Variants in TMEM135 observed in about 807,000 individuals in gnomAD.
The protein encoded by TMEM135 is transmembrane protein 135.
A neutral mutation model predicts 60.3 loss-of-function variants in TMEM135; 30 were observed. That is an observed-to-expected ratio of 0.50 (90% CI 0.37 to 0.68). The LOEUF is 0.68. TMEM135 is among the 30% of genes least tolerant of loss of function. TMEM135 has a pLI of 0.00. For missense variants in TMEM135, 468 were observed against 548.8 expected (o/e 0.85, Z 1.47); for synonymous variants, 190 against 186.7 (o/e 1.02, Z -0.14).
intron 5 of TMEM135, among the ~76,000 whole-genome samples, chr11:87,235,546 T>C (rs1940977582): frequency 6.6e-6 from 1 of 151,920 alleles, no homozygotes; most frequent in African/African-American, 2.4e-5. Context: ...CTAGAAATTA[T>C]TTGTGTTAGA....
intron 3 of TMEM135, among the ~76,000 whole-genome samples, chr11:87,091,143 TA>T (rs1406742460): frequency 2.0e-5 from 3 of 152,048 alleles, no homozygotes; most frequent in African/African-American, 7.2e-5. Context: ...TAAGAATATT[TA>T]ATGACCACAA....
rs953633635 is a variant in TMEM135, at chr11:87,326,718, T to C, written c.*5385T>C. ...AAAAACAGGAGTCCTTATTTTTCTATTTATTTCAGGGAAAATTGAAGGTAA... is the reference window on the plus strand; with the variant it reads ...AAAAACAGGAGTCCTTATTTTTCTACTTATTTCAGGGAAAATTGAAGGTAA... On this transcript the variant is annotated 3_prime_UTR_variant, in exon 15 of 15. Coordinates refer to ENST00000305494, the MANE Select transcript of TMEM135 (RefSeq NM_022918.4). The C allele has an allele frequency of 2.2e-6, 1 of 448,274 alleles. No individual in the cohort carries two copies. The highest frequency in any genetic ancestry group is 4.4e-6 in the Non-Finnish European group (1 of 225,534). The allele number at this position is 448,274 out of a possible 1,614,324, so 27.8% of individuals were successfully genotyped here. A position where few individuals can be genotyped will look rare whatever the true frequency, so the allele number is the denominator to read the frequency against.
intron 5 of TMEM135, among the ~76,000 whole-genome samples, chr11:87,170,459 A>T (rs1939202838): frequency 6.6e-6 from 1 of 151,936 alleles, no homozygotes; most frequent in African/African-American, 2.4e-5. Context: ...TGACCTTCCG[A>T]TGGGGTTTCT....
intron 5 of TMEM135, among the ~76,000 whole-genome samples, chr11:87,163,052 T>C (rs1004003590): frequency 6.6e-6 from 1 of 151,874 alleles, no homozygotes; most frequent in African/African-American, 2.4e-5. Flanking sequence ...TTTATTTTAT[T>C]ATACATTAAG....
intron 5 of TMEM135, among the ~76,000 whole-genome samples, chr11:87,166,059 A>G (rs565945789): frequency 1.3e-5 from 2 of 151,468 alleles, no homozygotes; most frequent in African/African-American, 2.4e-5. Flanking sequence ...GAATCTCTGA[A>G]TAGACCAATA....
intron 1 of TMEM135, among the ~76,000 whole-genome samples, chr11:87,062,772 T>A (rs758473530): frequency 6.6e-6 from 1 of 152,102 alleles, no homozygotes; most frequent in East Asian, 1.9e-4. Flanking sequence ...CATTTATTTT[T>A]AAAAAAATTA....
At chr11:87,090,735 T>C (rs1857188147) in intron 3 of TMEM135, among the ~76,000 whole-genome samples, 1 of 152,128 alleles carries the variant, frequency 6.6e-6, no homozygotes, top group African/African-American at 2.4e-5. Context: ...ACTTTCTACC[T>C]GAATTTTTAT....
At chr11:87,092,332 G>A (rs192005234) in intron 4 of TMEM135, among the ~76,000 whole-genome samples, 5 of 152,250 alleles carry the variant, frequency 3.3e-5, no homozygotes, top group African/African-American at 1.2e-4. Flanking sequence ...ACTATTCTGG[G>A]TGTGTGCGGT....
intron 5 of TMEM135, among the ~76,000 whole-genome samples, chr11:87,186,096 G>A (rs1037436859): frequency 6.6e-6 from 1 of 152,080 alleles, no homozygotes; most frequent in African/African-American, 2.4e-5. Context: ...TAGTGGAGAC[G>A]GGGTTTCACC....
intron 4 of TMEM135, among the ~76,000 whole-genome samples, chr11:87,109,003 G>A (rs1857672506): frequency 6.6e-6 from 1 of 152,118 alleles, no homozygotes; most frequent in African/African-American, 2.4e-5. Context: ...AAAGGATAAT[G>A]TAATCTATAG....
At chr11:87,116,791 C>T (rs997132746) in intron 4 of TMEM135, among the ~76,000 whole-genome samples, 3 of 150,844 alleles carry the variant, frequency 2.0e-5, no homozygotes, top group Non-Finnish European at 3.0e-5. Flanking sequence ...ATCATGTTTA[C>T]ATTATATTGT....
intron 5 of TMEM135, among the ~76,000 whole-genome samples, chr11:87,218,841 G>A (rs301585): frequency 0.8 from 120,990 of 152,002 alleles, 48,776 homozygotes; most frequent in African/African-American, 0.83. Flanking sequence ...GCACACCTGT[G>A]ATCCCAGCTA....
At chr11:87,241,936 T>C (rs1427409014) in intron 6 of TMEM135, among the ~76,000 whole-genome samples, 2 of 152,062 alleles carry the variant, frequency 1.3e-5, no homozygotes, top group African/African-American at 4.8e-5. Context: ...ACATGTGCCA[T>C]GCTGATGTGC....
chr11:87,297,902 T>C (rs1357770342), intron 7 of TMEM135, among the ~76,000 whole-genome samples: 2 of 152,226 alleles, frequency 1.3e-5, no homozygotes, highest in African/African-American at 4.8e-5. Flanking sequence ...CTTGCATTTA[T>C]ATGGTGAATA....
In TMEM135 at chr11:87,235,832, G is replaced by A. The variant is rs111352165; in HGVS notation, c.463-806G>A. ...TCAACATACCATCTTAATATGTTGT[G>A]TTTACTGTGATGTTTTTGAGATCAT... On this transcript the variant is annotated intron_variant, in intron 5 of 14. Transcript: ENST00000305494. Among the ~76,000 whole-genome samples the A allele has an allele frequency of 2.4e-3, 364 of 151,986 alleles. 3 individuals are homozygous for A. Among genetic ancestry groups the A allele is most frequent in the African/African-American group, 8.4e-3 (349 of 41,508 alleles).
chr11:87,136,367 A>G (rs1388557669), intron 4 of TMEM135, among the ~76,000 whole-genome samples: 1 of 151,986 alleles, frequency 6.6e-6, no homozygotes, highest in Non-Finnish European at 1.5e-5. Flanking sequence ...CATTCAGTGT[A>G]TTATTCTTCT....
intron 5 of TMEM135, among the ~76,000 whole-genome samples, chr11:87,205,011 A>G (rs1940204593): frequency 6.6e-6 from 1 of 152,196 alleles, no homozygotes; most frequent in African/African-American, 2.4e-5. Context: ...CCCATTTTGT[A>G]AACTATTGCA....
intron 4 of TMEM135, among the ~76,000 whole-genome samples, chr11:87,102,857 A>G (rs2135186658): frequency 6.6e-6 from 1 of 151,934 alleles, no homozygotes; most frequent in African/African-American, 2.4e-5. Flanking sequence ...TTATGTCCTT[A>G]TTAACTATGG....
chr11:87,282,264 T>G (rs1419138825), intron 6 of TMEM135, among the ~76,000 whole-genome samples: 1 of 152,140 alleles, frequency 6.6e-6, no homozygotes, highest in Non-Finnish European at 1.5e-5. Flanking sequence ...TTCATTTTTT[T>G]TTTTGCCTTT....
Sources: allele counts gnomAD v4.1 joint callset (sites outside exome capture counted in the v4.1 genomes callset), GRCh38; gene constraint gnomAD v4.1.1; transcripts MANE v1.5; gene names NCBI Gene and HGNC (gene_info 2026-07-23, HGNC 2026-07-21).